The following KLF12 variants were observed in gnomAD, a reference collection of about 807,000 sequenced individuals.
KLF12 encodes Krueppel-like factor 12.
KLF12 carries 9 observed loss-of-function variants against 37.8 expected under a neutral mutation model. The observed-to-expected ratio is 0.24, with a 90% CI of 0.14 to 0.42. The LOEUF (loss-of-function observed/expected upper bound fraction) is 0.42. Ranked by LOEUF, KLF12 falls within the 10% of genes least tolerant of loss-of-function variation. The pLI is 1.00. For missense variants in KLF12, 411 were observed against 516.0 expected, an observed-to-expected ratio of 0.80 and a Z score of 1.97; for synonymous variants, 208 against 202.1, an observed-to-expected ratio of 1.03 and a Z score of -0.25.
At chr13:74,035,685 T>C (rs1447102260) in intron 1 of KLF12, among the ~76,000 whole-genome samples, 1 of 151,990 alleles carries the variant, frequency 6.6e-6, no homozygotes, top group East Asian at 1.9e-4. Flanking sequence ...TTCTGAGGGG[T>C]TGAAAGGGGA....
chr13:73,919,830 A>G (rs1355018429), intron 3 of KLF12, among the ~76,000 whole-genome samples: 1 of 152,234 alleles, frequency 6.6e-6, no homozygotes, highest in Non-Finnish European at 1.5e-5. Flanking sequence ...GTTGCCCTGC[A>G]ACCCACTTGG....
At chr13:74,213,850 T>C in the KLF12 span, among the ~76,000 whole-genome samples, 1 of 152,312 alleles carries the variant, frequency 6.6e-6, no homozygotes. Context: ...TACTTTCTTA[T>C]ATTTTCTAAT....
the KLF12 span, among the ~76,000 whole-genome samples, chr13:74,185,362 A>T: frequency 2.0e-5 from 3 of 152,208 alleles, no homozygotes; most frequent in Non-Finnish European, 4.4e-5. Context: ...GAGGCTAAGG[A>T]TGGAGTGAGG....
chr13:74,127,616 C>A (rs9888508), intron 1 of KLF12, among the ~76,000 whole-genome samples: 2,893 of 152,286 alleles, frequency 0.019, 99 homozygotes, highest in African/African-American at 0.063. Flanking sequence ...GAGTTTGTTT[C>A]TTTGCTCTTG....
At chr13:73,921,584 A>C (rs1889119066) in intron 3 of KLF12, among the ~76,000 whole-genome samples, 1 of 152,218 alleles carries the variant, frequency 6.6e-6, no homozygotes, top group South Asian at 2.1e-4. Flanking sequence ...AGTTGTAAGA[A>C]TCAAATGTAA....
intron 2 of KLF12, among the ~76,000 whole-genome samples, chr13:73,977,377 G>A (rs978871340): frequency 5.9e-5 from 9 of 152,070 alleles, no homozygotes; most frequent in African/African-American, 1.7e-4. Context: ...CACATACAAA[G>A]CATTTACAAA....
Position 73,952,744 on chromosome 13 carries a change from C to T in KLF12, c.34-8674G>A, listed in dbSNP as rs1477360810. Among the ~76,000 whole-genome samples the T allele has an allele frequency of 3.3e-5, 5 of 152,042 alleles. No individual in the cohort carries two copies. In the East Asian group the frequency reaches 7.7e-4, roughly 23 times the overall value. On this transcript the variant is annotated intron_variant, in intron 2 of 7. Coordinates refer to ENST00000377669, the MANE Select transcript of KLF12 (RefSeq NM_007249.5). ...ATGGGCATCACATAACAGGTGGTGA[C>T]GAGTCATGAAGGCTTATTAAGCAAA...
In KLF12 at chr13:73,806,209, C is replaced by A. The variant is rs1882616486; in HGVS notation, c.806+6943G>T. ...GAAACCTCCGCCTCCCGGGTCCAAG[C>A]AATTCTGCCTCAGCCCCCTGAGTTG... is the stretch of plus-strand genomic sequence containing the variant. On this transcript the variant is annotated intron_variant, in intron 5 of 7. Transcript: ENST00000377669. Among the ~76,000 whole-genome samples, 3 of 151,600 alleles carry A rather than the reference C, an allele frequency of 2.0e-5. No individual in the cohort carries two copies. In the South Asian group the frequency reaches 6.2e-4, roughly 32 times the overall value.
intron 1 of KLF12, among the ~76,000 whole-genome samples, chr13:74,098,871 C>A (rs1372301663): frequency 6.6e-6 from 1 of 152,080 alleles, no homozygotes; most frequent in Non-Finnish European, 1.5e-5. Context: ...TATATTTTGG[C>A]AAACAAATTC....
the KLF12 span, among the ~76,000 whole-genome samples, chr13:74,201,545 G>A: frequency 6.6e-6 from 1 of 152,104 alleles, no homozygotes; most frequent in Admixed American, 6.6e-5. Context: ...CCTCCTATAA[G>A]TTCTTTTTGA....
At chr13:74,273,783 A>G in the KLF12 span, among the ~76,000 whole-genome samples, 1 of 152,154 alleles carries the variant, frequency 6.6e-6, no homozygotes, top group Non-Finnish European at 1.5e-5. Context: ...AAGGAGTTCA[A>G]ATAGTACAAG....
the KLF12 span, among the ~76,000 whole-genome samples, chr13:74,204,239 T>C: frequency 6.6e-6 from 1 of 152,168 alleles, no homozygotes; most frequent in African/African-American, 2.4e-5. Flanking sequence ...ATGGAAATAA[T>C]GTGTGCAAAG....
At chr13:73,858,665 A>T (rs1213233469) in intron 3 of KLF12, among the ~76,000 whole-genome samples, 2 of 152,188 alleles carry the variant, frequency 1.3e-5, no homozygotes, top group African/African-American at 4.8e-5. Flanking sequence ...GATGCTACAA[A>T]AGGATTTTTA....
intron 7 of KLF12, among the ~76,000 whole-genome samples, chr13:73,701,637 GT>G (rs200840269): frequency 2.0e-5 from 3 of 151,938 alleles, no homozygotes; most frequent in African/African-American, 7.2e-5. Context: ...ATCTTAATAA[GT>G]TTTTTTTGTT....
chr13:73,858,711 G>A (rs1298313106), intron 3 of KLF12, among the ~76,000 whole-genome samples: 1 of 152,092 alleles, frequency 6.6e-6, no homozygotes, highest in African/African-American at 2.4e-5. Context: ...CCCCCCTAGA[G>A]ATTTAATGAG....
chr13:74,147,996 C>T, the KLF12 span, among the ~76,000 whole-genome samples: 4 of 152,038 alleles, frequency 2.6e-5, no homozygotes, highest in Non-Finnish European at 1.5e-5. Flanking sequence ...ACTGCAACCT[C>T]GGCCTCTCAG....
intron 1 of KLF12, among the ~76,000 whole-genome samples, chr13:74,060,504 G>GTGTGCGTC (rs921617422): frequency 6.0e-5 from 9 of 150,684 alleles, no homozygotes; most frequent in African/African-American, 1.9e-4. Context: ...GTGTGTGTGT[G>GTGTGCGTC]TGTGTGTGTG....
chr13:74,274,942 C>T, the KLF12 span, among the ~76,000 whole-genome samples: 2 of 152,044 alleles, frequency 1.3e-5, no homozygotes, highest in African/African-American at 2.4e-5. Context: ...ATTTATTAAT[C>T]AGCAATCTGT....
At chr13:73,913,635 A>C (rs373808773) in intron 3 of KLF12, among the ~76,000 whole-genome samples, 1 of 152,252 alleles carries the variant, frequency 6.6e-6, no homozygotes, top group East Asian at 1.9e-4. Flanking sequence ...GGGCTAATAA[A>C]TAAAATAAAG....
Sources: gnomAD v4.1 joint callset for allele counts (sites outside exome capture counted in the v4.1 genomes callset) on GRCh38, gnomAD v4.1.1 for gene constraint, MANE v1.5 for transcripts, NCBI Gene and HGNC (gene_info 2026-07-23, HGNC 2026-07-21) for gene names.